Variants in ASTN2 observed in about 807,000 individuals in gnomAD.
ASTN2 encodes astrotactin-2.
A neutral mutation model predicts 139.8 loss-of-function variants in ASTN2; 54 were observed. The ratio of observed to expected loss-of-function variants is 0.39; its 90% CI spans 0.31 to 0.48. The LOEUF (loss-of-function observed/expected upper bound fraction) is 0.48, where lower values mean the gene tolerates loss of function less well. Ranked by LOEUF, ASTN2 falls within the 20% of genes least tolerant of loss-of-function variation. The pLI is 0.95. For synonymous variants in ASTN2, 756 were observed against 719.5 expected (o/e 1.05, Z -0.81); for missense variants, 1,565 against 1,725.1 (o/e 0.91, Z 1.64).
chr9:117,032,279 G>A (rs191177706), intron 6 of ASTN2, among the ~76,000 whole-genome samples: 28 of 152,230 alleles, frequency 1.8e-4, no homozygotes, highest in Non-Finnish European at 4.0e-4. Flanking sequence ...GAATGTACAA[G>A]CAAAGGTATA....
At chr9:116,634,816 T>TG (rs957385875) in intron 17 of ASTN2, among the ~76,000 whole-genome samples, 6 of 152,200 alleles carry the variant, frequency 3.9e-5, no homozygotes, top group South Asian at 4.1e-4. Context: ...TTCTGTGAAC[T>TG]GATTGCCCTT....
chr9:116,596,891 A>G (rs903627074), intron 19 of ASTN2, among the ~76,000 whole-genome samples: 1 of 152,128 alleles, frequency 6.6e-6, no homozygotes, highest in Non-Finnish European at 1.5e-5. Flanking sequence ...AGGGTGGAAA[A>G]TTCAAAGCAG....
chr9:117,187,205 A>G (rs372308120), intron 3 of ASTN2, among the ~76,000 whole-genome samples: 11 of 152,254 alleles, frequency 7.2e-5, no homozygotes, highest in African/African-American at 2.2e-4. Context: ...GATTATGTAC[A>G]TTGTTTTATT....
intron 3 of ASTN2, among the ~76,000 whole-genome samples, chr9:117,187,018 A>G (rs1414035358): frequency 6.6e-6 from 1 of 152,068 alleles, no homozygotes; most frequent in African/African-American, 2.4e-5. Flanking sequence ...AATCCCAGCT[A>G]CTCAGGAGGC....
intron 2 of ASTN2, among the ~76,000 whole-genome samples, chr9:117,220,281 C>G (rs1325847912): frequency 2.0e-5 from 3 of 152,008 alleles, no homozygotes; most frequent in Non-Finnish European, 4.4e-5. Context: ...ATGACTGGGT[C>G]CCTGCTCATT....
intron 3 of ASTN2, among the ~76,000 whole-genome samples, chr9:117,196,731 G>T (rs1345814638): frequency 6.6e-6 from 1 of 152,168 alleles, no homozygotes; most frequent in East Asian, 1.9e-4. Flanking sequence ...ACAAAGGAAG[G>T]CATTTGGACC....
intron 10 of ASTN2, among the ~76,000 whole-genome samples, chr9:116,949,015 T>G (rs1168174275): frequency 6.6e-6 from 1 of 151,846 alleles, no homozygotes; most frequent in African/African-American, 2.4e-5. Flanking sequence ...GCTCTCGAAC[T>G]CTGGACCTGG....
chr9:116,453,912 A>C (rs1848250785), intron 20 of ASTN2, among the ~76,000 whole-genome samples: 1 of 152,188 alleles, frequency 6.6e-6, no homozygotes, highest in Non-Finnish European at 1.5e-5. Flanking sequence ...AGTTAAGAAA[A>C]CTAGAAACAA....
intron 19 of ASTN2, among the ~76,000 whole-genome samples, chr9:116,570,496 T>C (rs901226548): frequency 4.6e-5 from 7 of 152,058 alleles, no homozygotes; most frequent in African/African-American, 1.7e-4. Context: ...CCCAGGTTCA[T>C]GCCTTTCTCC....
At chr9:116,782,327 C>T (rs1222363716) in intron 13 of ASTN2, among the ~76,000 whole-genome samples, 4 of 152,164 alleles carry the variant, frequency 2.6e-5, no homozygotes, top group South Asian at 2.1e-4. Context: ...ACCAGTTCAG[C>T]GACCCAGTGC....
Position 117,267,525 on chromosome 9 carries a change from C to T in ASTN2, c.630+23801G>A, listed in dbSNP as rs541314030. Among the ~76,000 whole-genome samples, 33 of 152,286 alleles carry T rather than the reference C, an allele frequency of 2.2e-4. No individual in the cohort carries two copies. The South Asian group carries it at 6.4e-3, about 30-fold the overall frequency. ...ACTATGTTTATGAAAGATATTAACACTAGGGGAGGCTAGGTAAAGAGTATT... is the reference window on the plus strand; with the variant it reads ...ACTATGTTTATGAAAGATATTAACATTAGGGGAGGCTAGGTAAAGAGTATT... On this transcript the variant is annotated intron_variant, in intron 2 of 22. Transcript: ENST00000313400.
chr9:116,757,277 C>T (rs1396152021), intron 13 of ASTN2, among the ~76,000 whole-genome samples: 1 of 152,180 alleles, frequency 6.6e-6, no homozygotes. Context: ...TGTCAGCAAT[C>T]CAGACCATAT....
rs1279791296 is a variant in ASTN2 at position 117,226,913 on chromosome 9, G to T, written c.631-12171C>A. Among the ~76,000 whole-genome samples the T allele has an allele frequency of 2.0e-5, 3 of 152,140 alleles. No homozygotes were observed. In the East Asian group the frequency reaches 5.8e-4, roughly 29 times the overall value. ...GCTGATGTGAGATCCCTAATATTGT[G>T]CCAACCTTAAAATACTGTGCCAACA... On this transcript the variant is annotated intron_variant, in intron 2 of 22. Coordinates refer to ENST00000313400, the MANE Select transcript of ASTN2 (RefSeq NM_001365068.1).
At chr9:116,874,021 G>T (rs10759872) in intron 10 of ASTN2, among the ~76,000 whole-genome samples, 56,054 of 151,970 alleles carry the variant, frequency 0.37, 10,619 homozygotes, top group East Asian at 0.53. Context: ...AGAAACAAAC[G>T]AATGCCTCTG....
chr9:116,615,510 T>C (rs1350912969), intron 19 of ASTN2, among the ~76,000 whole-genome samples: 2 of 151,902 alleles, frequency 1.3e-5, no homozygotes, highest in African/African-American at 4.8e-5. Flanking sequence ...ATTAAGAAAA[T>C]GTGGCACATA....
At chr9:117,383,680 G>C (rs911801726) in intron 1 of ASTN2, among the ~76,000 whole-genome samples, 3 of 152,102 alleles carry the variant, frequency 2.0e-5, no homozygotes, top group Non-Finnish European at 2.9e-5. Flanking sequence ...CTAACAGAAA[G>C]TGGAAAAAAT....
Position 116,698,909 on chromosome 9 carries a change from CCG to C in ASTN2, c.2806+26860_2806+26861del. ...GTCAAGGTGAAGTACTAGTCGCTGA[CCG>C]TGGTAACTATCGTATACAAGTCTTT... On this transcript the variant is annotated intron_variant, in intron 16 of 22. Transcript: ENST00000313400. The surrounding 1 kb of genome is among the most constrained non-coding windows in gnomAD (Gnocchi z 4.4). The C allele has an allele frequency of 6.2e-7, 1 of 1,614,186 alleles. No homozygotes were observed. Among genetic ancestry groups the C allele is most frequent in the Non-Finnish European group, 8.5e-7 (1 of 1,180,036 alleles).
At chr9:116,618,243 C>A in intron 19 of ASTN2, 81 bp downstream of exon 19, 1 of 1,440,918 alleles carries the variant, frequency 6.9e-7, no homozygotes, top group Non-Finnish European at 9.4e-7. Flanking sequence ...CAGATGAGAC[C>A]AAGTCTCCAA....
At chr9:116,794,737 A>T (rs889479167) in intron 13 of ASTN2, among the ~76,000 whole-genome samples, 1 of 152,158 alleles carries the variant, frequency 6.6e-6, no homozygotes, top group Admixed American at 6.5e-5. Context: ...CAGGCTTTGA[A>T]AGGGATAGAA....
Sources: allele counts gnomAD v4.1 joint callset (sites outside exome capture counted in the v4.1 genomes callset), GRCh38; gene constraint gnomAD v4.1.1; non-coding constraint Gnocchi (gnomAD v3.1); transcripts MANE v1.5; gene names NCBI Gene and HGNC (gene_info 2026-07-23, HGNC 2026-07-21).